The following PAM variants were observed in gnomAD, a reference collection of about 807,000 sequenced individuals.
PAM encodes the protein peptidyl-glycine alpha-amidating monooxygenase.
PAM carries 72 observed loss-of-function variants against 122.1 expected under a neutral mutation model. The ratio of observed to expected loss-of-function variants is 0.59; its 90% CI spans 0.49 to 0.72. The LOEUF (loss-of-function observed/expected upper bound fraction) is 0.72. Among genes scored for constraint, PAM ranks in the 30% least tolerant of loss-of-function variants. The pLI, the probability that PAM is intolerant of heterozygous loss-of-function variation, is 0.00. For missense variants in PAM, 1,106 were observed against 1,183.7 expected, an observed-to-expected ratio of 0.93 and a Z score of 0.96; for synonymous variants, 389 against 404.4, an observed-to-expected ratio of 0.96 and a Z score of 0.46.
chr5:102,827,390 A>G (rs540823011), intron 1 of PAM, among the ~76,000 whole-genome samples: 1 of 152,274 alleles, frequency 6.6e-6, no homozygotes, highest in South Asian at 2.1e-4. Context: ...CAACCCATGT[A>G]GGTATGCTGA....
At chr5:102,997,389 C>T (rs746248339) in intron 16 of PAM, among the ~76,000 whole-genome samples, 9 of 151,978 alleles carry the variant, frequency 5.9e-5, no homozygotes, top group Non-Finnish European at 1.3e-4. Context: ...TGGTGGTGTG[C>T]ACCTGTGGTC....
At chr5:102,773,780 G>A (rs1756417220) in intron 1 of PAM, among the ~76,000 whole-genome samples, 1 of 151,924 alleles carries the variant, frequency 6.6e-6, no homozygotes, top group Non-Finnish European at 1.5e-5. Context: ...TGTTACATAG[G>A]TAAACTCGTG....
At chr5:102,960,981 G>A (rs987839607) in intron 13 of PAM, among the ~76,000 whole-genome samples, 177 bp from the exon 14 acceptor site, 1 of 97,702 alleles carries the variant, frequency 1.0e-5, no homozygotes, top group East Asian at 3.7e-4. Flanking sequence ...GTTGTGCTGG[G>A]GGGTGGGGGG....
chr5:102,894,068 A>ACAG, intron 3 of PAM, among the ~76,000 whole-genome samples: 1 of 151,608 alleles, frequency 6.6e-6, no homozygotes, highest in African/African-American at 2.4e-5. Flanking sequence ...GCTATGTACC[A>ACAG]TTGCTGCAGG....
chr5:102,856,525 G>T (rs1782668355), intron 1 of PAM, among the ~76,000 whole-genome samples: 3 of 152,116 alleles, frequency 2.0e-5, no homozygotes, highest in Admixed American at 2.0e-4. Context: ...AAATATGCCA[G>T]CATTGAATTT....
At chr5:102,853,201 T>C (rs1781753386) in intron 1 of PAM, among the ~76,000 whole-genome samples, 1 of 152,212 alleles carries the variant, frequency 6.6e-6, no homozygotes, top group Non-Finnish European at 1.5e-5. Context: ...TGTTTCCTAA[T>C]AATCCTGACA....
intron 23 of PAM, 22 bp downstream of exon 23, chr5:103,019,865 A>G (rs1399229940): frequency 2.0e-6 from 3 of 1,481,804 alleles, no homozygotes; most frequent in South Asian, 2.3e-5. Flanking sequence ...TCCTCTTATT[A>G]CTATAAAACC....
intron 1 of PAM, among the ~76,000 whole-genome samples, chr5:102,802,745 C>T (rs567532447): frequency 6.6e-6 from 1 of 152,004 alleles, no homozygotes; most frequent in African/African-American, 2.4e-5. Flanking sequence ...TGGTGTCATC[C>T]GATTATCTGT....
intron 1 of PAM, among the ~76,000 whole-genome samples, chr5:102,796,546 G>A (rs557193130): frequency 6.6e-6 from 1 of 152,250 alleles, no homozygotes; most frequent in East Asian, 1.9e-4. Flanking sequence ...CCTGTTTATT[G>A]TCATTTTTTT....
chr5:102,912,913 T>TA (rs1801859858), intron 4 of PAM, among the ~76,000 whole-genome samples: 1 of 152,088 alleles, frequency 6.6e-6, no homozygotes, highest in Admixed American at 6.6e-5. Context: ...CATAGTGCTA[T>TA]GTTTTTGGTC....
intron 15 of PAM, among the ~76,000 whole-genome samples, chr5:102,987,320 T>C (rs139302151): frequency 7.0e-4 from 106 of 152,240 alleles, no homozygotes; most frequent in African/African-American, 2.6e-3. Context: ...TTCATACTCA[T>C]ATGTGGAAGC....
intron 1 of PAM, among the ~76,000 whole-genome samples, chr5:102,799,942 G>A (rs1764266367): frequency 6.6e-6 from 1 of 152,240 alleles, no homozygotes; most frequent in African/African-American, 2.4e-5. Context: ...TGGGGACTGT[G>A]TTGAATGCTT....
chr5:102,821,848 C>T (rs1432023173), intron 1 of PAM, among the ~76,000 whole-genome samples: 1 of 152,124 alleles, frequency 6.6e-6, no homozygotes, highest in Non-Finnish European at 1.5e-5. Flanking sequence ...ATAATGAAAG[C>T]AATTTTACCA....
chr5:102,918,806 A>C (rs1746371924), intron 5 of PAM, among the ~76,000 whole-genome samples: 1 of 152,124 alleles, frequency 6.6e-6, no homozygotes, highest in South Asian at 2.1e-4. Flanking sequence ...ATAGGGTTTA[A>C]AGCAATTTAG....
chr5:103,020,361 G>T (rs1365995509), intron 23 of PAM, among the ~76,000 whole-genome samples: 1 of 152,106 alleles, frequency 6.6e-6, no homozygotes, highest in Non-Finnish European at 1.5e-5. Context: ...AAGCACTATA[G>T]CAGGTCTAAG....
intron 15 of PAM, among the ~76,000 whole-genome samples, chr5:102,985,092 A>T (rs1003780629): frequency 1.3e-5 from 2 of 152,146 alleles, no homozygotes; most frequent in Non-Finnish European, 2.9e-5. Context: ...CAGTGCTAAG[A>T]GGGGAGTTTG....
chr5:102,800,883 C>G (rs955339469), intron 1 of PAM, among the ~76,000 whole-genome samples: 1 of 152,052 alleles, frequency 6.6e-6, no homozygotes, highest in Non-Finnish European at 1.5e-5. Context: ...CATGAAATCC[C>G]CTACTGCTTG....
intron 1 of PAM, among the ~76,000 whole-genome samples, chr5:102,839,935 G>C (rs1778140895): frequency 6.6e-6 from 1 of 152,128 alleles, no homozygotes; most frequent in South Asian, 2.1e-4. Context: ...ATATGATGCT[G>C]AAACATTAGA....
chr5:102,775,116 CATT>C (rs1163683178), intron 1 of PAM, among the ~76,000 whole-genome samples: 2 of 152,010 alleles, frequency 1.3e-5, no homozygotes, highest in African/African-American at 4.8e-5. Flanking sequence ...GATTCAACAT[CATT>C]AATTGAATAA....
Sources: gnomAD v4.1 joint callset for allele counts (sites outside exome capture counted in the v4.1 genomes callset) on GRCh38, gnomAD v4.1.1 for gene constraint, MANE v1.5 for transcripts, NCBI Gene and HGNC (gene_info 2026-07-23, HGNC 2026-07-21) for gene names.